Variants in SLC4A4 observed in about 807,000 individuals in gnomAD.
The protein encoded by SLC4A4 is electrogenic sodium bicarbonate cotransporter 1.
SLC4A4 carries 27 observed loss-of-function variants against 111.5 expected under a neutral mutation model. The observed-to-expected ratio is 0.24, with a 90% CI of 0.18 to 0.33. The LOEUF is 0.33. Ranked by LOEUF, SLC4A4 falls within the 10% of genes least tolerant of loss-of-function variation. SLC4A4 has a pLI of 1.00. For missense variants in SLC4A4, 909 were observed against 1,315.5 expected (o/e 0.69, Z 4.78); for synonymous variants, 443 against 463.4 (o/e 0.96, Z 0.57).
chr4:71,384,798 G>A (rs1346052680), intron 6 of SLC4A4, among the ~76,000 whole-genome samples: 2 of 151,120 alleles, frequency 1.3e-5, no homozygotes, highest in Non-Finnish European at 2.9e-5. Flanking sequence ...ACCTATTTTT[G>A]TAGCAAATAT....
chr4:71,299,653 T>G (rs2602055), intron 3 of SLC4A4, among the ~76,000 whole-genome samples: 4,972 of 152,222 alleles, frequency 0.033, 289 homozygotes, highest in African/African-American at 0.11. Context: ...AAGGCTTGAT[T>G]TGGGGAGCCA....
intron 3 of SLC4A4, among the ~76,000 whole-genome samples, chr4:71,324,846 G>A (rs982093451): frequency 2.6e-5 from 4 of 151,882 alleles, no homozygotes; most frequent in African/African-American, 9.7e-5. Flanking sequence ...ATCACCACTT[G>A]CTGGCTGAAA....
At chr4:71,500,706 G>A (rs567084061) in intron 16 of SLC4A4, among the ~76,000 whole-genome samples, 18 of 152,262 alleles carry the variant, frequency 1.2e-4, no homozygotes, top group African/African-American at 4.3e-4. Flanking sequence ...AGTTCACCTA[G>A]CACTATTTAT....
At chr4:71,079,339 G>T (rs573012401) in intron 1 of SLC4A4, among the ~76,000 whole-genome samples, 21 of 152,140 alleles carry the variant, frequency 1.4e-4, no homozygotes, top group Non-Finnish European at 2.9e-4. Context: ...CAGTGTGAAG[G>T]CATCTGTAGC....
chr4:71,422,558 C>T (rs1481657453), intron 7 of SLC4A4, among the ~76,000 whole-genome samples: 1 of 152,160 alleles, frequency 6.6e-6, no homozygotes, highest in Non-Finnish European at 1.5e-5. Flanking sequence ...AGACCAATAT[C>T]CTTTATGAAC....
chr4:71,185,947 G>A (rs933509760), upstream of SLC4A4, among the ~76,000 whole-genome samples: 3 of 152,146 alleles, frequency 2.0e-5, no homozygotes, highest in Non-Finnish European at 4.4e-5. Context: ...CATATAATAT[G>A]TATTACTAGA....
chr4:71,108,508 T>C (rs1348121031), intron 2 of SLC4A4, among the ~76,000 whole-genome samples: 1 of 152,256 alleles, frequency 6.6e-6, no homozygotes, highest in Non-Finnish European at 1.5e-5. Flanking sequence ...AATATGCTGA[T>C]AATTGTATTG....
intron 16 of SLC4A4, among the ~76,000 whole-genome samples, chr4:71,531,795 AC>A (rs1578126844): frequency 5.0e-4 from 75 of 149,082 alleles, no homozygotes; most frequent in Middle Eastern, 3.4e-3. Context: ...ACACACACAC[AC>A]ACACACACAG....
At chr4:71,126,607 T>G (rs527241995) in intron 2 of SLC4A4, among the ~76,000 whole-genome samples, 3 of 152,318 alleles carry the variant, frequency 2.0e-5, no homozygotes, top group Admixed American at 6.5e-5. Flanking sequence ...AAAGGAATAA[T>G]AAGTTCTATT....
At chr4:71,562,088 C>A (rs1287943016) in intron 23 of SLC4A4, among the ~76,000 whole-genome samples, 2 of 151,756 alleles carry the variant, frequency 1.3e-5, no homozygotes, top group Non-Finnish European at 2.9e-5. Context: ...TCCAACAAAT[C>A]CTATTTCATT....
rs200864559 is a variant in SLC4A4 at position 71,360,341 on chromosome 4, A to AT, written c.730+3165dup. ...CTATAAATCAGGGCTTGATTTTTAA[A>AT]TTTTTTTTTTTGACCATTTGTCTCT... On this transcript the variant is annotated intron_variant, in intron 6 of 25. Coordinates refer to ENST00000264485, the MANE Select transcript of SLC4A4 (RefSeq NM_001098484.3). 5.0e-4 allele frequency among the ~76,000 whole-genome samples: 75 copies of AT among 149,290 alleles called. 1 individual carries two copies. The highest frequency in any genetic ancestry group is 4.1e-3 in the East Asian group (21 of 5,128).
intron 16 of SLC4A4, among the ~76,000 whole-genome samples, chr4:71,519,099 T>G (rs1468747605): frequency 6.6e-6 from 1 of 152,240 alleles, no homozygotes; most frequent in Non-Finnish European, 1.5e-5. Flanking sequence ...TATGTTAATC[T>G]GTTCCCTTAG....
intron 2 of SLC4A4, among the ~76,000 whole-genome samples, chr4:71,179,906 C>G (rs1274623141): frequency 6.6e-6 from 1 of 152,116 alleles, no homozygotes; most frequent in Non-Finnish European, 1.5e-5. Context: ...CAATCCGAAG[C>G]CAAAAGAACC....
intron 7 of SLC4A4, among the ~76,000 whole-genome samples, chr4:71,407,334 G>T (rs778712145): frequency 1.3e-5 from 2 of 152,142 alleles, no homozygotes; most frequent in Non-Finnish European, 2.9e-5. Flanking sequence ...TGATACTCTG[G>T]ATGTCATTGG....
At chr4:71,371,453 A>G (rs1050728176) in intron 6 of SLC4A4, among the ~76,000 whole-genome samples, 7 of 151,986 alleles carry the variant, frequency 4.6e-5, no homozygotes, top group African/African-American at 1.7e-4. Flanking sequence ...CATGTTGGCC[A>G]GGCTGGTTTC....
At chr4:71,090,199 T>A (rs1445993512) in intron 1 of SLC4A4, among the ~76,000 whole-genome samples, 1 of 152,164 alleles carries the variant, frequency 6.6e-6, no homozygotes, top group Non-Finnish European at 1.5e-5. Context: ...CTGGGCCAGG[T>A]GTGGGATATA....
intron 1 of SLC4A4, among the ~76,000 whole-genome samples, chr4:71,195,894 A>G (rs1395090226): frequency 6.6e-6 from 1 of 152,282 alleles, no homozygotes; most frequent in Non-Finnish European, 1.5e-5. Context: ...TTATTGAAAT[A>G]TTCCTAATGT....
At chr4:71,345,503 A>G (rs1030738683) in intron 4 of SLC4A4, among the ~76,000 whole-genome samples, 1 of 152,166 alleles carries the variant, frequency 6.6e-6, no homozygotes, top group African/African-American at 2.4e-5. Context: ...TATAAAGGAA[A>G]GCCATCACAA....
intron 7 of SLC4A4, among the ~76,000 whole-genome samples, chr4:71,427,099 A>G (rs1466093645): frequency 6.6e-6 from 1 of 152,154 alleles, no homozygotes; most frequent in Admixed American, 6.6e-5. Flanking sequence ...ACACACCTAT[A>G]TAATTGTCAC....
Sources: allele counts gnomAD v4.1 joint callset (sites outside exome capture counted in the v4.1 genomes callset), GRCh38; gene constraint gnomAD v4.1.1; transcripts MANE v1.5; gene names NCBI Gene and HGNC (gene_info 2026-07-23, HGNC 2026-07-21).